Variants in SYT1 observed in about 807,000 individuals in gnomAD.
SYT1 encodes synaptotagmin-1.
In SYT1, 8 loss-of-function variants were observed where a neutral mutation model predicts 44.8. The ratio of observed to expected loss-of-function variants is 0.18; its 90% CI spans 0.10 to 0.32. The LOEUF (loss-of-function observed/expected upper bound fraction) is 0.32. Ranked by LOEUF, SYT1 falls within the 10% of genes least tolerant of loss-of-function variation. The pLI, the probability that SYT1 is intolerant of heterozygous loss-of-function variation, is 1.00. For synonymous variants in SYT1, 154 were observed against 188.8 expected, an observed-to-expected ratio of 0.82 and a Z score of 1.51; for missense variants, 286 against 509.3, an observed-to-expected ratio of 0.56 and a Z score of 4.22.
chr12:79,184,356 G>A (rs970895499), intron 3 of SYT1, among the ~76,000 whole-genome samples: 8 of 151,980 alleles, frequency 5.3e-5, no homozygotes, highest in African/African-American at 1.9e-4. Context: ...TGGAACTTAT[G>A]CCTTTATTAG....
At chr12:79,076,580 C>T (rs1170289475) in intron 3 of SYT1, among the ~76,000 whole-genome samples, 3 of 152,142 alleles carry the variant, frequency 2.0e-5, no homozygotes, top group African/African-American at 4.8e-5. Flanking sequence ...CCCTGGTCCT[C>T]TGTTTTTGCT....
chr12:79,031,738 G>A (rs1164128707), intron 2 of SYT1, among the ~76,000 whole-genome samples: 1 of 150,994 alleles, frequency 6.6e-6, no homozygotes, highest in Non-Finnish European at 1.5e-5. Context: ...ATCAGACTGG[G>A]AAAGAGGAAA....
intron 3 of SYT1, among the ~76,000 whole-genome samples, chr12:79,173,643 A>G (rs190398215): frequency 6.6e-6 from 1 of 152,190 alleles, no homozygotes; most frequent in Admixed American, 6.6e-5. Context: ...AGTATCTGAG[A>G]AAGGCTTAAA....
At position 78,864,861 on chromosome 12, in the gene SYT1, A is replaced by T. The variant is rs1301904399; in HGVS notation, c.-465A>T. On this transcript the variant is annotated 5_prime_UTR_variant, in exon 1 of 11. Transcript: ENST00000261205. ...GAGGCTGCACCCCGGGCAAGTCCCC[A>T]GGGTGGTGCTCAGCCGAGAGGGGGG... 6.5e-6 allele frequency: 1 copy of T among 153,874 alleles called. No individual in the cohort carries two copies. The highest frequency in any genetic ancestry group is 1.4e-5 in the Non-Finnish European group (1 of 69,492). 9.5% of individuals were successfully genotyped at this position (153,874 alleles called of 1,614,324 possible).
chr12:79,046,890 G>C (rs1592697967), intron 2 of SYT1, among the ~76,000 whole-genome samples: 1 of 151,894 alleles, frequency 6.6e-6, no homozygotes, highest in East Asian at 1.9e-4. Flanking sequence ...GCTGTACAAG[G>C]TTGATTTGTA....
chr12:79,017,384 C>A (rs1183165543), intron 2 of SYT1, among the ~76,000 whole-genome samples: 4 of 152,000 alleles, frequency 2.6e-5, no homozygotes, highest in Non-Finnish European at 5.9e-5. Flanking sequence ...CAAATAACCA[C>A]AATGTAATGG....
Position 78,929,409 on chromosome 12 carries a change from C to CAAAAAAAAAAAAAAAAAAAAAAAAAAAA in SYT1, c.-216-48380_-216-48353dup, listed in dbSNP as rs10646738. Among the ~76,000 whole-genome samples, 67 of 43,788 alleles carry CAAAAAAAAAAAAAAAAAAAAAAAAAAAA rather than the reference C, an allele frequency of 1.5e-3. 33 individuals are homozygous for CAAAAAAAAAAAAAAAAAAAAAAAAAAAA. The highest frequency in any genetic ancestry group is 8.5e-3 in the East Asian group (8 of 940). 28.7% of individuals were successfully genotyped at this position (43,788 alleles called of 152,430 possible). A position where few individuals can be genotyped will look rare whatever the true frequency, so the allele number is the denominator to read the frequency against. ...TGGGTGACAGAGAGAGACTCCGTCCCAAAAAAAAAAAAAAAAAAAAAAAAA... is the reference window on the plus strand; with the variant it reads ...TGGGTGACAGAGAGAGACTCCGTCCCAAAAAAAAAAAAAAAAAAAAAAAAAAAAAAAAAAAAAAAAAAAAAAAAAAAAA... On this transcript the variant is annotated intron_variant, in intron 1 of 10. Coordinates refer to ENST00000261205, the MANE Select transcript of SYT1 (RefSeq NM_005639.3).
At chr12:79,029,169 C>T (rs1467588535) in intron 2 of SYT1, among the ~76,000 whole-genome samples, 1 of 151,166 alleles carries the variant, frequency 6.6e-6, no homozygotes, top group Non-Finnish European at 1.5e-5. Context: ...TTCAATACCT[C>T]ACCCTTGCAT....
chr12:79,025,879 G>T (rs1302634806), intron 2 of SYT1, among the ~76,000 whole-genome samples: 1 of 151,356 alleles, frequency 6.6e-6, no homozygotes, highest in South Asian at 2.1e-4. Context: ...AACCTCGTTG[G>T]GAAATGTGTT....
intron 1 of SYT1, among the ~76,000 whole-genome samples, chr12:78,897,271 T>G (rs1237112833): frequency 1.3e-5 from 2 of 151,918 alleles, no homozygotes; most frequent in Non-Finnish European, 1.5e-5. Context: ...ACCAGGATAC[T>G]TTTAATGATT....
chr12:79,225,188 C>G (rs1165262036), intron 4 of SYT1, among the ~76,000 whole-genome samples: 1 of 150,368 alleles, frequency 6.7e-6, no homozygotes, highest in African/African-American at 2.4e-5. Context: ...CAGGTTGTTG[C>G]AATAATCCGG....
intron 8 of SYT1, among the ~76,000 whole-genome samples, chr12:79,313,488 G>A (rs58872811): frequency 0.011 from 1,624 of 151,478 alleles, 32 homozygotes; most frequent in African/African-American, 0.037. Flanking sequence ...CTTAAACCAT[G>A]TACCAAGTTT....
At chr12:78,911,046 A>C (rs1876291404) in intron 1 of SYT1, among the ~76,000 whole-genome samples, 1 of 152,014 alleles carries the variant, frequency 6.6e-6, no homozygotes, top group South Asian at 2.1e-4. Flanking sequence ...GGCCACTGAA[A>C]GGTGTTGAAC....
At chr12:79,284,394 G>A (rs946545662) in intron 4 of SYT1, among the ~76,000 whole-genome samples, 4 of 151,940 alleles carry the variant, frequency 2.6e-5, no homozygotes, top group African/African-American at 7.3e-5. Flanking sequence ...AAAATCATCC[G>A]TCCTCCTCTC....
At chr12:79,115,454 C>A (rs1460234750) in intron 3 of SYT1, among the ~76,000 whole-genome samples, 1 of 152,148 alleles carries the variant, frequency 6.6e-6, no homozygotes, top group African/African-American at 2.4e-5. Context: ...GGCATCTGAG[C>A]AATACATAAA....
At chr12:79,299,342 T>C in intron 7 of SYT1, 42 bp from the exon 8 acceptor site, 1 of 1,602,022 alleles carries the variant, frequency 6.2e-7, no homozygotes, top group Non-Finnish European at 8.5e-7. Flanking sequence ...GTTTTAAGCA[T>C]TTTTGTGACT....
At position 79,393,534 on chromosome 12, in the gene SYT1, T is replaced by G. The variant is rs916216904; in HGVS notation, c.928+39915T>G. ...AGATGGTATCTCATTGTGGTTTTGA[T>G]TTGCATTTCTCTGATGACCAGTGAT... is the stretch of plus-strand genomic sequence containing the variant. On this transcript the variant is annotated intron_variant, in intron 9 of 10. Coordinates refer to ENST00000261205, the MANE Select transcript of SYT1 (RefSeq NM_005639.3). The G allele has an allele frequency of 2.0e-5, 3 of 152,248 alleles. No homozygotes were observed. The East Asian group carries it at 5.8e-4, about 29-fold the overall frequency. The allele number at this position is 152,248 out of a possible 1,614,324, so 9.4% of individuals were successfully genotyped here.
At chr12:79,074,772 T>A (rs1053732183) in intron 3 of SYT1, among the ~76,000 whole-genome samples, 1 of 152,134 alleles carries the variant, frequency 6.6e-6, no homozygotes, top group African/African-American at 2.4e-5. Context: ...CTGATGCTCT[T>A]GGGCTTCATT....
At chr12:79,065,098 C>T (rs964041823) in intron 3 of SYT1, among the ~76,000 whole-genome samples, 3 of 152,220 alleles carry the variant, frequency 2.0e-5, no homozygotes, top group East Asian at 1.9e-4. Context: ...GGGAGGCCAG[C>T]GTAGTGGCTT....
Sources: allele counts gnomAD v4.1 joint callset (sites outside exome capture counted in the v4.1 genomes callset), GRCh38; gene constraint gnomAD v4.1.1; transcripts MANE v1.5; gene names NCBI Gene and HGNC (gene_info 2026-07-23, HGNC 2026-07-21).